ST6GALNAC3: variants seen among roughly 807,000 people sequenced by gnomAD.
The protein encoded by ST6GALNAC3 is alpha-N-acetylgalactosaminide alpha-2,6-sialyltransferase 3.
In ST6GALNAC3, 25 loss-of-function variants were observed where a neutral mutation model predicts 32.7. That is an observed-to-expected ratio of 0.76 (90% CI 0.56 to 1.07). The LOEUF is 1.07. Ranked by LOEUF, ST6GALNAC3 falls within the 50% of genes least tolerant of loss-of-function variation. The pLI, the probability that ST6GALNAC3 is intolerant of heterozygous loss-of-function variation, is 0.00. For synonymous variants in ST6GALNAC3, 129 were observed against 133.1 expected (o/e 0.97, Z 0.21); for missense variants, 355 against 382.4 (o/e 0.93, Z 0.60).
chr1:76,460,255 C>T (rs1470735611), intron 3 of ST6GALNAC3, among the ~76,000 whole-genome samples: 4 of 151,806 alleles, frequency 2.6e-5, no homozygotes, highest in East Asian at 1.9e-4. Flanking sequence ...TTTTTTCAAG[C>T]GCTTGTTGAC....
At chr1:76,367,537 CA>C (rs1330707996) in intron 2 of ST6GALNAC3, among the ~76,000 whole-genome samples, 1 of 152,080 alleles carries the variant, frequency 6.6e-6, no homozygotes, top group African/African-American at 2.4e-5. Context: ...TTGAGTGGGG[CA>C]AAAGTTCAGT....
intron 3 of ST6GALNAC3, among the ~76,000 whole-genome samples, chr1:76,611,934 T>C (rs550362281): frequency 2.6e-5 from 4 of 152,158 alleles, no homozygotes; most frequent in African/African-American, 7.2e-5. Context: ...TCAGACGATA[T>C]TGATTTTGTG....
chr1:76,183,860 A>ATT (rs545162105), intron 1 of ST6GALNAC3, among the ~76,000 whole-genome samples: 17 of 145,692 alleles, frequency 1.2e-4, no homozygotes, highest in African/African-American at 3.8e-4. Context: ...GAATATATAT[A>ATT]TATATATATA....
intron 4 of ST6GALNAC3, among the ~76,000 whole-genome samples, chr1:76,628,107 A>C (rs1029321701): frequency 2.0e-5 from 3 of 151,948 alleles, no homozygotes; most frequent in African/African-American, 7.2e-5. Context: ...TAGATAATGA[A>C]ACAAACCCTC....
chr1:76,090,866 A>G (rs918230177), intron 1 of ST6GALNAC3, among the ~76,000 whole-genome samples: 6 of 152,312 alleles, frequency 3.9e-5, no homozygotes, highest in African/African-American at 1.4e-4. Flanking sequence ...TTTTTAGCAC[A>G]AAACTAAACG....
rs922974645 is a variant in ST6GALNAC3, at chr1:76,490,331, T to TA, written c.623+77923dup. On this transcript the variant is annotated intron_variant, in intron 3 of 4. Transcript: ENST00000328299. ...TAGTAAGTTCTAGGATCCAGAGACT[T>TA]AAAAAAAAATCTGCATTTAGTAGGT... Among the ~76,000 whole-genome samples, 79 of 151,192 alleles carry TA rather than the reference T, an allele frequency of 5.2e-4. No homozygotes were observed. In the South Asian group the frequency reaches 6.5e-3, roughly 12 times the overall value.
chr1:76,575,597 T>C (rs1345598884), intron 3 of ST6GALNAC3, among the ~76,000 whole-genome samples: 1 of 152,048 alleles, frequency 6.6e-6, no homozygotes, highest in East Asian at 1.9e-4. Flanking sequence ...GTTTCTTATA[T>C]GAGGAGTTGG....
Position 76,520,796 on chromosome 1 carries a change from C to A in ST6GALNAC3, c.624-106656C>A, listed in dbSNP as rs567759303. ...TTGACTAATATCAATATAGCCATACCAGTTTTATTTGGTTTGTAACTACAT... is the reference window on the plus strand; with the variant it reads ...TTGACTAATATCAATATAGCCATACAAGTTTTATTTGGTTTGTAACTACAT... On this transcript the variant is annotated intron_variant, in intron 3 of 4. Transcript: ENST00000328299. Among the ~76,000 whole-genome samples, 26 of 152,158 alleles carry A rather than the reference C, an allele frequency of 1.7e-4. 1 individual carries two copies. Among genetic ancestry groups the A allele is most frequent in the African/African-American group, 6.3e-4 (26 of 41,520 alleles).
chr1:76,341,733 A>C (rs1648054931), intron 2 of ST6GALNAC3, among the ~76,000 whole-genome samples: 1 of 135,410 alleles, frequency 7.4e-6, no homozygotes, highest in South Asian at 2.4e-4. Flanking sequence ...ATTATACTTT[A>C]AGTTCTGGGA....
At chr1:76,279,668 C>T (rs971795082) in intron 1 of ST6GALNAC3, among the ~76,000 whole-genome samples, 5 of 152,112 alleles carry the variant, frequency 3.3e-5, no homozygotes, top group Non-Finnish European at 5.9e-5. Context: ...CTGCCGGAGG[C>T]GGAAGTGGCG....
rs564466397 is a variant in ST6GALNAC3 at position 76,617,360 on chromosome 1, CT to C, written c.624-10081del. 4.7e-3 allele frequency among the ~76,000 whole-genome samples: 697 copies of C among 147,546 alleles called. 7 individuals are homozygous for C. Among genetic ancestry groups the C allele is most frequent in the African/African-American group, 0.013 (524 of 40,434 alleles). ...TCAATATATTCCAACCTGTTACAAT[CT>C]TTTTTTTTTTAAGTCATAGGAAAGT... On this transcript the variant is annotated intron_variant, in intron 3 of 4. Transcript: ENST00000328299.
chr1:76,211,545 A>G (rs1433978164), intron 1 of ST6GALNAC3, among the ~76,000 whole-genome samples: 1 of 152,242 alleles, frequency 6.6e-6, no homozygotes, highest in Non-Finnish European at 1.5e-5. Context: ...TCAAATGTCC[A>G]ACAATGATAG....
chr1:76,391,517 G>C (rs1652546564), intron 2 of ST6GALNAC3, among the ~76,000 whole-genome samples: 2 of 146,416 alleles, frequency 1.4e-5, no homozygotes, highest in African/African-American at 5.0e-5. Context: ...AAGCCATTAG[G>C]AAAGACCTTC....
rs1279804187 is a variant in ST6GALNAC3 at position 76,633,295 on chromosome 1, A to C, written c.*4489A>C. The C allele has an allele frequency of 6.6e-6, 1 of 152,210 alleles. No individual in the cohort carries two copies. Among genetic ancestry groups the C allele is most frequent in the Non-Finnish European group, 1.5e-5 (1 of 68,022 alleles). 9.4% of individuals were successfully genotyped at this position (152,210 alleles called of 1,614,324 possible). On this transcript the variant is annotated 3_prime_UTR_variant, in exon 5 of 5. Coordinates refer to ENST00000328299, the MANE Select transcript of ST6GALNAC3 (RefSeq NM_152996.4). ...CTAAAGAGTCTATTCATGGAATCCA[A>C]GGGCTCCAAATTGTGCTAATTCTGC...
intron 3 of ST6GALNAC3, among the ~76,000 whole-genome samples, chr1:76,536,654 C>CAAAAAAAAAAAA (rs35157329): frequency 1.7e-5 from 1 of 57,620 alleles, no homozygotes; most frequent in Non-Finnish European, 3.2e-5. Context: ...AAATGGAAAG[C>CAAAAAAAAAAAA]AAAAAAAAAA....
chr1:76,283,180 T>C (rs974982278), intron 1 of ST6GALNAC3, among the ~76,000 whole-genome samples: 15 of 152,166 alleles, frequency 9.9e-5, no homozygotes, highest in African/African-American at 3.6e-4. Context: ...AGCTAGGAAC[T>C]AGCTTTGTTT....
chr1:76,524,299 G>T (rs1662732672), intron 3 of ST6GALNAC3, among the ~76,000 whole-genome samples: 1 of 152,122 alleles, frequency 6.6e-6, no homozygotes, highest in African/African-American at 2.4e-5. Context: ...GAAGATAGGT[G>T]AACATGTCCC....
At chr1:76,254,109 T>G (rs522935) in intron 1 of ST6GALNAC3, among the ~76,000 whole-genome samples, 72,751 of 152,026 alleles carry the variant, frequency 0.48, 20,365 homozygotes, top group African/African-American at 0.78. Flanking sequence ...GCAGATGGAA[T>G]GAATTATAAA....
chr1:76,344,155 G>A (rs1454300449), intron 2 of ST6GALNAC3, among the ~76,000 whole-genome samples: 2 of 152,234 alleles, frequency 1.3e-5, no homozygotes, highest in Non-Finnish European at 1.5e-5. Context: ...GACAGGTAAA[G>A]GGTGAGTACC....
Sources: allele counts gnomAD v4.1 joint callset (sites outside exome capture counted in the v4.1 genomes callset), GRCh38; gene constraint gnomAD v4.1.1; transcripts MANE v1.5; gene names NCBI Gene and HGNC (gene_info 2026-07-23, HGNC 2026-07-21).